Variants in CLSTN2 observed in about 807,000 individuals in gnomAD.
CLSTN2 encodes the protein calsyntenin-2.
A neutral mutation model predicts 101.2 loss-of-function variants in CLSTN2; 48 were observed. The observed-to-expected ratio is 0.47, with a 90% CI of 0.38 to 0.60. The LOEUF (loss-of-function observed/expected upper bound fraction) is 0.60. Among genes scored for constraint, CLSTN2 ranks in the 20% least tolerant of loss-of-function variants. CLSTN2 has a pLI of 0.00. For missense variants in CLSTN2, 1,160 were observed against 1,238.2 expected (o/e 0.94, Z 0.95); for synonymous variants, 481 against 463.6 (o/e 1.04, Z -0.48).
intron 2 of CLSTN2, among the ~76,000 whole-genome samples, chr3:140,249,709 C>T (rs1465488786): frequency 6.6e-6 from 1 of 152,146 alleles, no homozygotes; most frequent in Non-Finnish European, 1.5e-5. Context: ...ATATGCAAGG[C>T]TATTTTCTTT....
chr3:140,202,258 A>G (rs2010726922), intron 2 of CLSTN2, among the ~76,000 whole-genome samples: 1 of 152,196 alleles, frequency 6.6e-6, no homozygotes, highest in Non-Finnish European at 1.5e-5. Context: ...AGTGTCAGGG[A>G]GACCACTTAG....
intron 8 of CLSTN2, among the ~76,000 whole-genome samples, chr3:140,485,428 G>C (rs1053137045): frequency 6.6e-6 from 1 of 152,200 alleles, no homozygotes; most frequent in Non-Finnish European, 1.5e-5. Flanking sequence ...GAGGCAGTCT[G>C]TCTGTTCTCA....
At chr3:140,298,385 G>A (rs984092068) in intron 2 of CLSTN2, among the ~76,000 whole-genome samples, 4 of 152,216 alleles carry the variant, frequency 2.6e-5, no homozygotes, top group Non-Finnish European at 5.9e-5. Context: ...CATTAGACCG[G>A]AAGGAAATAA....
chr3:140,523,705 C>T (rs1021438818), intron 8 of CLSTN2, among the ~76,000 whole-genome samples: 2 of 152,144 alleles, frequency 1.3e-5, no homozygotes, highest in Non-Finnish European at 2.9e-5. Flanking sequence ...GAACATGATT[C>T]CCTAGAAATT....
At chr3:140,070,882 T>C (rs963716034) in intron 1 of CLSTN2, among the ~76,000 whole-genome samples, 49 of 152,180 alleles carry the variant, frequency 3.2e-4, no homozygotes, top group Non-Finnish European at 1.5e-5. Context: ...GTTGAGTAGT[T>C]ACTACAGAGA....
At chr3:140,548,819 T>G (rs1312995503) in intron 10 of CLSTN2, among the ~76,000 whole-genome samples, 1 of 152,182 alleles carries the variant, frequency 6.6e-6, no homozygotes, top group East Asian at 1.9e-4. Context: ...GGGAAGCCAC[T>G]GAAGGCTCAG....
At chr3:140,107,837 A>C (rs937805180) in intron 1 of CLSTN2, among the ~76,000 whole-genome samples, 1 of 152,172 alleles carries the variant, frequency 6.6e-6, no homozygotes, top group East Asian at 1.9e-4. Flanking sequence ...TGTCCTCCTC[A>C]ATCTTTTAAT....
intron 8 of CLSTN2, among the ~76,000 whole-genome samples, chr3:140,524,598 A>G (rs1343915584): frequency 1.3e-5 from 2 of 152,210 alleles, no homozygotes; most frequent in Non-Finnish European, 2.9e-5. Context: ...TGGACCTAAG[A>G]GACATCTACA....
At chr3:140,530,552 G>C (rs1008891874) in intron 8 of CLSTN2, among the ~76,000 whole-genome samples, 19 of 152,340 alleles carry the variant, frequency 1.2e-4, no homozygotes, top group African/African-American at 4.6e-4. Context: ...CTTTGCAATT[G>C]TTTATGTTGT....
At chr3:140,303,736 A>G (rs2087083581) in intron 2 of CLSTN2, among the ~76,000 whole-genome samples, 1 of 152,034 alleles carries the variant, frequency 6.6e-6, no homozygotes, top group Non-Finnish European at 1.5e-5. Flanking sequence ...ACCTGGCTCC[A>G]GTAACACAGG....
At chr3:140,123,570 A>G (rs2107800393) in intron 1 of CLSTN2, among the ~76,000 whole-genome samples, 1 of 152,200 alleles carries the variant, frequency 6.6e-6, no homozygotes, top group South Asian at 2.1e-4. Flanking sequence ...CTCACATTCT[A>G]ATGGGGTGTC....
intron 2 of CLSTN2, among the ~76,000 whole-genome samples, chr3:140,323,259 T>C (rs1433522080): frequency 6.6e-6 from 1 of 152,198 alleles, no homozygotes; most frequent in African/African-American, 2.4e-5. Context: ...TCTGGACCAC[T>C]GGTCAGGGAA....
intron 4 of CLSTN2, among the ~76,000 whole-genome samples, chr3:140,409,817 G>C (rs1294671809): frequency 1.3e-5 from 2 of 151,882 alleles, no homozygotes; most frequent in Admixed American, 6.6e-5. Context: ...GGAAAACTTT[G>C]GAAGAAAAAT....
intron 8 of CLSTN2, among the ~76,000 whole-genome samples, chr3:140,490,581 C>T (rs1030825137): frequency 1.5e-4 from 21 of 135,778 alleles, no homozygotes; most frequent in African/African-American, 3.3e-4. Flanking sequence ...GGTGACAGAG[C>T]GAGACCTTGT....
intron 2 of CLSTN2, among the ~76,000 whole-genome samples, chr3:140,275,309 G>A (rs2086783281): frequency 6.6e-6 from 1 of 150,984 alleles, no homozygotes; most frequent in South Asian, 2.1e-4. Flanking sequence ...GTCTCACTGT[G>A]GCACCCAGGC....
chr3:140,465,530 G>A (rs937327077), intron 7 of CLSTN2, among the ~76,000 whole-genome samples: 7 of 152,182 alleles, frequency 4.6e-5, no homozygotes, highest in African/African-American at 7.2e-5. Context: ...TGTGCTGGGC[G>A]ATTCTCATGA....
At chr3:140,070,034 C>T (rs1166104693) in intron 1 of CLSTN2, among the ~76,000 whole-genome samples, 3 of 152,200 alleles carry the variant, frequency 2.0e-5, no homozygotes, top group Non-Finnish European at 4.4e-5. Context: ...GAAAGTGCTC[C>T]ATAAACCTGA....
chr3:140,097,983 A>G (rs896037635), intron 1 of CLSTN2, among the ~76,000 whole-genome samples: 1 of 152,196 alleles, frequency 6.6e-6, no homozygotes, highest in Non-Finnish European at 1.5e-5. Context: ...ATACAATGCC[A>G]TGATATAAGA....
In CLSTN2 at chr3:140,490,135, C is replaced by T. The variant is rs192592614; in HGVS notation, c.1344+23404C>T. On this transcript the variant is annotated intron_variant, in intron 8 of 16. Coordinates refer to ENST00000458420, the MANE Select transcript of CLSTN2 (RefSeq NM_022131.3). ...ATATATATACACACACACACACACA[C>T]ACACACACACACACACACACACACA... Among the ~76,000 whole-genome samples the T allele has an allele frequency of 1.3e-3, 65 of 51,794 alleles. 8 individuals are homozygous for T. The highest frequency in any genetic ancestry group is 2.4e-3 in the Admixed American group (8 of 3,366). The allele number at this position is 51,794 out of a possible 152,430, so 34.0% of individuals were successfully genotyped here. A position where few individuals can be genotyped will look rare whatever the true frequency, so the allele number is the denominator to read the frequency against.
Sources: gnomAD v4.1 joint callset for allele counts (sites outside exome capture counted in the v4.1 genomes callset) on GRCh38, gnomAD v4.1.1 for gene constraint, MANE v1.5 for transcripts, NCBI Gene and HGNC (gene_info 2026-07-23, HGNC 2026-07-21) for gene names.